SDK1: variants seen among roughly 807,000 people sequenced by gnomAD.
SDK1 encodes protein sidekick-1.
A neutral mutation model predicts 245.5 loss-of-function variants in SDK1; 157 were observed. The observed-to-expected ratio is 0.64, with a 90% CI of 0.56 to 0.73. SDK1 has a LOEUF of 0.73. Among genes scored for constraint, SDK1 ranks in the 30% least tolerant of loss-of-function variants. The pLI is 0.00. For missense variants in SDK1, 3,583 were observed against 3,002.3 expected, an observed-to-expected ratio of 1.19 and a Z score of -4.52; for synonymous variants, 1,647 against 1,278.5, an observed-to-expected ratio of 1.29 and a Z score of -6.15.
chr7:4,102,962 A>G (rs915720382), intron 22 of SDK1, among the ~76,000 whole-genome samples: 7 of 138,544 alleles, frequency 5.1e-5, no homozygotes, highest in Middle Eastern at 6.5e-3. Flanking sequence ...GTTAAAAAAA[A>G]AAAAAAAAAA....
intron 1 of SDK1, among the ~76,000 whole-genome samples, chr7:3,355,195 T>G (rs957295520): frequency 6.6e-6 from 1 of 152,210 alleles, no homozygotes; most frequent in Non-Finnish European, 1.5e-5. Flanking sequence ...ATTGTGAATA[T>G]TCTCTGAAAC....
chr7:3,625,193 A>T (rs1190432497), intron 2 of SDK1, among the ~76,000 whole-genome samples: 1 of 152,204 alleles, frequency 6.6e-6, no homozygotes, highest in Non-Finnish European at 1.5e-5. Flanking sequence ...GGAAACATAA[A>T]CAAAGGGAAT....
At chr7:4,126,886 A>G (rs1471911653) in intron 25 of SDK1, among the ~76,000 whole-genome samples, 1 of 152,164 alleles carries the variant, frequency 6.6e-6, no homozygotes, top group East Asian at 1.9e-4. Flanking sequence ...GATTAGATGC[A>G]ATTATGTAAC....
At chr7:3,944,029 G>A (rs908237201) in intron 5 of SDK1, among the ~76,000 whole-genome samples, 1 of 152,240 alleles carries the variant, frequency 6.6e-6, no homozygotes, top group African/African-American at 2.4e-5. Flanking sequence ...GAAACGTTCA[G>A]TTGAGAACAC....
At chr7:3,849,342 TC>T (rs1287574635) in intron 5 of SDK1, among the ~76,000 whole-genome samples, 2 of 152,126 alleles carry the variant, frequency 1.3e-5, no homozygotes, top group African/African-American at 2.4e-5. Flanking sequence ...TGAGCTCCTT[TC>T]CTGGCAACAC....
At position 4,205,866 on chromosome 7, in the gene SDK1, G is replaced by A; in HGVS notation, c.5099-13G>A. 2 of 1,548,222 alleles carry A rather than the reference G, an allele frequency of 1.3e-6. No individual in the cohort carries two copies. Among genetic ancestry groups the A allele is most frequent in the Non-Finnish European group, 1.7e-6 (2 of 1,144,050 alleles). On this transcript the variant is annotated splice_polypyrimidine_tract_variant and intron_variant, in intron 35 of 44. Transcript: ENST00000404826. ...GAACGTCTCAGCTTCTCTCCGCATT[G>A]CTCTTTCCTCAGCCCCGGCCATGGC...
chr7:3,642,616 G>T (rs1314628432), intron 4 of SDK1, among the ~76,000 whole-genome samples: 4 of 152,026 alleles, frequency 2.6e-5, no homozygotes, highest in Admixed American at 6.5e-5. Context: ...CTAATTAGTG[G>T]TTCACCCATC....
At chr7:3,800,354 C>CTTAT (rs1488581694) in intron 4 of SDK1, among the ~76,000 whole-genome samples, 1 of 150,580 alleles carries the variant, frequency 6.6e-6, no homozygotes, top group African/African-American at 2.5e-5. Flanking sequence ...CCATCTTTTA[C>CTTAT]TTACTTACTT....
At chr7:4,101,907 T>A (rs1782577349) in intron 22 of SDK1, among the ~76,000 whole-genome samples, 1 of 151,354 alleles carries the variant, frequency 6.6e-6, no homozygotes, top group African/African-American at 2.4e-5. Context: ...TGGAGGGAGA[T>A]CGAGAGAGCC....
chr7:4,013,415 C>G (rs1786140460), intron 16 of SDK1, among the ~76,000 whole-genome samples: 1 of 152,192 alleles, frequency 6.6e-6, no homozygotes, highest in Non-Finnish European at 1.5e-5. Context: ...GATATTGGGA[C>G]AAGAACAGTG....
At chr7:3,363,643 G>A (rs1168635306) in intron 1 of SDK1, among the ~76,000 whole-genome samples, 1 of 152,150 alleles carries the variant, frequency 6.6e-6, no homozygotes, top group Non-Finnish European at 1.5e-5. Flanking sequence ...TCCACCTCAC[G>A]TCATCAGGCA....
intron 13 of SDK1, among the ~76,000 whole-genome samples, 158 bp from the exon 14 acceptor site, chr7:3,987,028 T>A (rs1389904121): frequency 6.6e-6 from 1 of 152,182 alleles, no homozygotes; most frequent in African/African-American, 2.4e-5. Context: ...TGTGTCCTTT[T>A]CTGGGGGGAA....
intron 5 of SDK1, among the ~76,000 whole-genome samples, chr7:3,882,764 C>T (rs888388373): frequency 1.3e-5 from 2 of 151,968 alleles, no homozygotes; most frequent in African/African-American, 2.4e-5. Flanking sequence ...AGGGTCTCTC[C>T]TGGAAACCAC....
At chr7:3,316,851 G>C (rs6461994) in intron 1 of SDK1, among the ~76,000 whole-genome samples, 94,330 of 151,938 alleles carry the variant, frequency 0.62, 30,547 homozygotes, top group African/African-American at 0.83. Flanking sequence ...GACAGAATTG[G>C]TGTTTTTGGG....
chr7:3,457,330 T>C (rs1165477348), intron 1 of SDK1, among the ~76,000 whole-genome samples: 1 of 152,182 alleles, frequency 6.6e-6, no homozygotes, highest in Non-Finnish European at 1.5e-5. Flanking sequence ...AGTTTGCCTC[T>C]TTCCACCTTT....
chr7:3,439,932 G>A (rs1254271774), intron 1 of SDK1, among the ~76,000 whole-genome samples: 1 of 112,736 alleles, frequency 8.9e-6, no homozygotes, highest in Non-Finnish European at 2.1e-5. Flanking sequence ...CCCTGTGCTG[G>A]ACTTTTTTTT....
At chr7:3,484,324 A>G (rs144820156) in intron 1 of SDK1, among the ~76,000 whole-genome samples, 3 of 152,160 alleles carry the variant, frequency 2.0e-5, no homozygotes, top group Non-Finnish European at 2.9e-5. Context: ...TCGAAAATAC[A>G]TATTCACTGG....
Position 4,208,152 on chromosome 7 carries a change from C to T in SDK1, c.5268C>T (p.Leu1756=). 6.2e-7 allele frequency: 1 copy of T among 1,614,092 alleles called. No homozygotes were observed. Among genetic ancestry groups the T allele is most frequent in the African/African-American group, 1.3e-5 (1 of 75,070 alleles). The change falls in exon 37 of 45, where the codon CTC becomes CTT. Residue 1756 remains leucine, a synonymous_variant. Transcript: ENST00000404826. The part of the protein sequence containing the change: ...SQNETEKMKV[L]FLPEPVVRLK... Reference sequence around the variant, plus strand: ...ACGAAACGGAGAAAATGAAGGTCCTCTTCCTCCCCGAGCCCGTGGTGAGGC... The same window carrying T: ...ACGAAACGGAGAAAATGAAGGTCCTTTTCCTCCCCGAGCCCGTGGTGAGGC...
At chr7:3,473,118 A>G (rs1312529528) in intron 1 of SDK1, among the ~76,000 whole-genome samples, 1 of 152,198 alleles carries the variant, frequency 6.6e-6, no homozygotes, top group Non-Finnish European at 1.5e-5. Context: ...GGAGCATCAC[A>G]ACAGCCTTGT....
Sources: gnomAD v4.1 joint callset for allele counts (sites outside exome capture counted in the v4.1 genomes callset) on GRCh38, gnomAD v4.1.1 for gene constraint, MANE v1.5 for transcripts, NCBI Gene and HGNC (gene_info 2026-07-23, HGNC 2026-07-21) for gene names.